The following ASCC2 variants were observed in gnomAD, a reference collection of about 807,000 sequenced individuals.
ASCC2 encodes the protein ASC-1 complex subunit P100.
ASCC2 carries 42 observed loss-of-function variants against 93.5 expected under a neutral mutation model. That is an observed-to-expected ratio of 0.45 (90% confidence interval 0.35 to 0.58). ASCC2 has a LOEUF of 0.58. Ranked by LOEUF, ASCC2 falls within the 20% of genes least tolerant of loss-of-function variation. The pLI is 0.00. For synonymous variants in ASCC2, 364 were observed against 384.2 expected, an observed-to-expected ratio of 0.95 and a Z score of 0.62; for missense variants, 859 against 977.6, an observed-to-expected ratio of 0.88 and a Z score of 1.62.
chr22:29,809,646 G>A (rs746169774), intron 8 of ASCC2, among the ~76,000 whole-genome samples: 28 of 152,082 alleles, frequency 1.8e-4, no homozygotes, highest in Non-Finnish European at 3.4e-4. Context: ...AGGCATGGGG[G>A]CGGGCACCTG....
At chr22:29,829,570 A>C (rs1429080178) in intron 2 of ASCC2, among the ~76,000 whole-genome samples, 1 of 151,476 alleles carries the variant, frequency 6.6e-6, no homozygotes, top group Non-Finnish European at 1.5e-5. Flanking sequence ...AAAACACAAA[A>C]ATTAGCTGGT....
chr22:29,811,521 T>C (rs538847238), intron 8 of ASCC2, among the ~76,000 whole-genome samples: 4 of 152,212 alleles, frequency 2.6e-5, no homozygotes, highest in Non-Finnish European at 5.9e-5. Context: ...ACAAAGCTGA[T>C]TGGGCAACTG....
intron 6 of ASCC2, 30 bp from the exon 7 acceptor site, chr22:29,814,797 A>G: frequency 6.3e-7 from 1 of 1,581,676 alleles, no homozygotes; most frequent in South Asian, 1.1e-5. Context: ...GCTCTCTCAC[A>G]TCATACTGAA....
At chr22:29,836,753 A>G (rs1165559129) in intron 1 of ASCC2, among the ~76,000 whole-genome samples, 2 of 152,144 alleles carry the variant, frequency 1.3e-5, no homozygotes, top group Non-Finnish European at 2.9e-5. Flanking sequence ...GGGTTTTGCC[A>G]TGCTGGCCAG....
rs761083749 is a variant in ASCC2, at chr22:29,832,247, G to A, written c.79C>T (p.Leu27=). 2 of 1,612,604 alleles carry A rather than the reference G, an allele frequency of 1.2e-6. No individual in the cohort carries two copies. The highest frequency in any genetic ancestry group is 1.7e-5 in the Admixed American group (1 of 59,978). The change falls in exon 2 of 20, where the codon CTG becomes TTG. Residue 27 remains leucine (L), a splice_region_variant and synonymous_variant. Coordinates refer to ENST00000307790, the MANE Select transcript of ASCC2 (RefSeq NM_032204.5). ...ATGGCCTTAAGTGACCGGCTCACCAGCGCTGGTGAAGTCCTCAGCTTTCCT... is the reference window on the plus strand; with the variant it reads ...ATGGCCTTAAGTGACCGGCTCACCAACGCTGGTGAAGTCCTCAGCTTTCCT... ...KTGKLRTSPA[L]HPEQKADRYF... is the part of the protein sequence containing the mutation.
At chr22:29,834,167 C>CA (rs2148419232) in intron 1 of ASCC2, 1 of 170,896 alleles carries the variant, frequency 5.9e-6, no homozygotes, top group South Asian at 1.3e-4. Flanking sequence ...CCCAAGGTCT[C>CA]ACAGTTAGTG....
At chr22:29,799,948 C>T (rs185911003) in intron 15 of ASCC2, among the ~76,000 whole-genome samples, 159 of 152,244 alleles carry the variant, frequency 1.0e-3, no homozygotes, top group Middle Eastern at 6.8e-3. Context: ...CCAGCACACC[C>T]GGCTAATTTT....
At chr22:29,810,662 T>C (rs2060178182) in intron 8 of ASCC2, among the ~76,000 whole-genome samples, 1 of 152,196 alleles carries the variant, frequency 6.6e-6, no homozygotes, top group African/African-American at 2.4e-5. Flanking sequence ...CTTGCTAGTC[T>C]ACTTCTAGGA....
chr22:29,826,018 G>C, intron 2 of ASCC2: 1 of 436,222 alleles, frequency 2.3e-6, no homozygotes, highest in Non-Finnish European at 4.1e-6. Context: ...AAGGTTAAGG[G>C]AAGAGAAAGC....
Position 29,788,951 on chromosome 22 carries a change from C to T in ASCC2, c.*62G>A, listed in dbSNP as rs930458946. The T allele has an allele frequency of 1.4e-5, 23 of 1,603,498 alleles. No individual in the cohort carries two copies. In the South Asian group the frequency reaches 1.4e-4, roughly 10 times the overall value. Reference sequence around the variant, plus strand: ...GGGCCCCTAGTGAGGAGGCCCCAGGCGATGGGAGCACGGCCTGGTGAGTCT... The same window carrying T: ...GGGCCCCTAGTGAGGAGGCCCCAGGTGATGGGAGCACGGCCTGGTGAGTCT... On this transcript the variant is annotated 3_prime_UTR_variant, in exon 20 of 20. Coordinates refer to ENST00000307790, the MANE Select transcript of ASCC2 (RefSeq NM_032204.5).
chr22:29,792,043 A>G (rs1461146775), intron 18 of ASCC2, among the ~76,000 whole-genome samples: 1 of 152,204 alleles, frequency 6.6e-6, no homozygotes. Context: ...TAGCTGCTAA[A>G]AAGTAGAATT....
chr22:29,805,736 G>A (rs1367528317), intron 12 of ASCC2, among the ~76,000 whole-genome samples: 3 of 151,962 alleles, frequency 2.0e-5, no homozygotes, highest in Admixed American at 6.6e-5. Context: ...TGTCCACTGC[G>A]AACATTCTTG....
At chr22:29,834,550 C>A (rs1393906024) in intron 1 of ASCC2, 8 of 470,164 alleles carry the variant, frequency 1.7e-5, no homozygotes, top group Non-Finnish European at 3.5e-5. Context: ...CACGAGGTGG[C>A]CTGAAAAAAA....
intron 9 of ASCC2, among the ~76,000 whole-genome samples, chr22:29,807,782 G>T (rs964624755): frequency 1.3e-5 from 2 of 151,964 alleles, no homozygotes; most frequent in African/African-American, 4.8e-5. Context: ...GGTGGCACAC[G>T]CCTATAATCC....
chr22:29,812,202 CAG>C (rs1172754568), intron 8 of ASCC2, among the ~76,000 whole-genome samples: 2 of 152,176 alleles, frequency 1.3e-5, no homozygotes, highest in Non-Finnish European at 2.9e-5. Flanking sequence ...AATGGACAGG[CAG>C]CTGAATGGAT....
In ASCC2 at chr22:29,792,511, C is replaced by CA; in HGVS notation, c.1943dup (p.Arg649GlufsTer6). 6.2e-7 allele frequency: 1 copy of CA among 1,614,078 alleles called. No homozygotes were observed. Among genetic ancestry groups the CA allele is most frequent in the South Asian group, 1.1e-5 (1 of 91,088 alleles). Reference sequence around the variant, plus strand: ...GCCCTTCTCTAGGCACTTTGGTTCTCAGCACCTGAGGGATGGTGAATGGCC... The same window carrying CA: ...GCCCTTCTCTAGGCACTTTGGTTCTCAAGCACCTGAGGGATGGTGAATGGCC... On this transcript the variant is annotated frameshift_variant, in exon 18 of 20. Transcript: ENST00000307790. LOFTEE classifies it high-confidence loss of function.
chr22:29,833,420 A>G lies in ASCC2; in HGVS notation c.-17-1078T>C, dbSNP rs9620924. ...CGTGGAAGAATAGAACGACATGAGA[A>G]GAAGGGAAGAAGGACATGGAAGAAG... is the stretch of plus-strand genomic sequence containing the variant. On this transcript the variant is annotated intron_variant, in intron 1 of 19. Transcript: ENST00000307790. 1,064 of 346,754 alleles carry G rather than the reference A, an allele frequency of 3.1e-3. 12 individuals carry two copies. The highest frequency in any genetic ancestry group is 0.022 in the African/African-American group (988 of 45,674). 21.5% of individuals were successfully genotyped at this position (346,754 alleles called of 1,614,324 possible).
chr22:29,833,345 G>T (rs1247176176), intron 1 of ASCC2, among the ~76,000 whole-genome samples: 3 of 151,992 alleles, frequency 2.0e-5, no homozygotes, highest in Non-Finnish European at 2.9e-5. Context: ...TTCCTCACTT[G>T]TGGAGGATGT....
At chr22:29,816,816 G>T (rs1369503863) in intron 5 of ASCC2, 2 of 151,254 alleles carry the variant, frequency 1.3e-5, no homozygotes, top group Non-Finnish European at 2.9e-5. Flanking sequence ...AGGGAGAGAG[G>T]GAGGGAGGGA....
Sources: allele counts gnomAD v4.1 joint callset (sites outside exome capture counted in the v4.1 genomes callset), GRCh38; gene constraint gnomAD v4.1.1; transcripts MANE v1.5; gene names NCBI Gene and HGNC (gene_info 2026-07-23, HGNC 2026-07-21).